FBN2: variants seen among roughly 807,000 people sequenced by gnomAD.
FBN2 encodes the protein fibrillin-2.
In FBN2, 105 loss-of-function variants were observed where a neutral mutation model predicts 355.6. That is an observed-to-expected ratio of 0.30 (90% CI 0.25 to 0.35). The LOEUF (loss-of-function observed/expected upper bound fraction) is 0.35. FBN2 is among the 10% of genes least tolerant of loss of function. The probability of loss-of-function intolerance (pLI) is 1.00; values close to 1 mark genes in which losing one functional copy is unlikely to be tolerated. For synonymous variants in FBN2, 1,350 were observed against 1,301.2 expected, an observed-to-expected ratio of 1.04 and a Z score of -0.81; for missense variants, 3,280 against 3,758.7, an observed-to-expected ratio of 0.87 and a Z score of 3.33.
Position 128,277,926 on chromosome 5 carries a change from G to T in FBN2, c.7425C>A (p.Phe2475Leu), listed in dbSNP as rs1315241739. 6.2e-7 allele frequency: 1 copy of T among 1,614,120 alleles called. No individual in the cohort carries two copies. The highest frequency in any genetic ancestry group is 1.3e-5 in the African/African-American group (1 of 75,046). ...CINTMGSFRC[F>L]CKVGYTTDIS... ...TGTCTGTGGTGTAGCCAACCTTGCA[G>T]AAGCATCGGAATGAGCCCATGGTAT... Residue 2475 changes from phenylalanine to leucine, a missense_variant, in exon 58 of 65, where the codon TTC (phenylalanine) becomes TTA (leucine). Phe to Leu is a conservative substitution (Grantham distance 22, BLOSUM62 0). This residue lies in a region of FBN2 where 2,284 missense variants were observed against 2,749.5 expected (regional missense o/e 0.83). Coordinates refer to ENST00000262464, the MANE Select transcript of FBN2 (RefSeq NM_001999.4).
intron 33 of FBN2, 150 bp downstream of exon 33, chr5:128,330,423 A>G (rs1168437131): frequency 1.2e-5 from 9 of 765,934 alleles, no homozygotes; most frequent in Non-Finnish European, 1.7e-5. Flanking sequence ...TGTTTAATGT[A>G]AGAGAAAGAT....
At chr5:128,516,739 C>T (rs1246838556) in intron 5 of FBN2, among the ~76,000 whole-genome samples, 3 of 151,982 alleles carry the variant, frequency 2.0e-5, no homozygotes, top group African/African-American at 4.8e-5. Flanking sequence ...AAACATTAAA[C>T]GCTAACAGGG....
At chr5:128,362,065 T>A (rs1304162294) in intron 18 of FBN2, among the ~76,000 whole-genome samples, 1 of 152,202 alleles carries the variant, frequency 6.6e-6, no homozygotes, top group Non-Finnish European at 1.5e-5. Flanking sequence ...TGCTTTTAAA[T>A]CCCTGGAAAG....
In FBN2 at chr5:128,393,340, T is replaced by G. The variant is rs766241911; in HGVS notation, c.1260A>C (p.Gly420=). 13 of 1,614,040 alleles carry G rather than the reference T, an allele frequency of 8.1e-6. No individual in the cohort carries two copies. Among genetic ancestry groups the G allele is most frequent in the Non-Finnish European group, 1.0e-5 (12 of 1,180,028 alleles). The change falls in exon 10 of 65, where the codon GGA becomes GGC. Residue 420 remains glycine, a synonymous_variant. Transcript: ENST00000262464. ...SEEYRRLCMD[G]LPMGGIPGSA... is the part of the protein sequence containing the mutation. The stretch of plus-strand genomic sequence containing the variant: ...TCCCTGGAATTCCTCCCATTGGAAG[T>G]CCATCCATGCAAAGTCTGCGATATT...
At chr5:128,369,020 A>G (rs1751858920) in intron 16 of FBN2, among the ~76,000 whole-genome samples, 162 bp downstream of exon 16, 1 of 152,070 alleles carries the variant, frequency 6.6e-6, no homozygotes, top group Admixed American at 6.6e-5. Flanking sequence ...CACAAGCCAA[A>G]TCTCCTTATT....
In FBN2 at chr5:128,480,004, A is replaced by G. The variant is rs868603446; in HGVS notation, c.629-15083T>C. Among the ~76,000 whole-genome samples, 164 of 79,864 alleles carry G rather than the reference A, an allele frequency of 2.1e-3. 2 individuals are homozygous for G. The highest frequency in any genetic ancestry group is 4.5e-3 in the South Asian group (12 of 2,668). The allele number at this position is 79,864 out of a possible 152,430, so 52.4% of individuals were successfully genotyped here. A position where few individuals can be genotyped will look rare whatever the true frequency, so the allele number is the denominator to read the frequency against. On this transcript the variant is annotated intron_variant, in intron 5 of 64. Coordinates refer to ENST00000262464, the MANE Select transcript of FBN2 (RefSeq NM_001999.4). ...TATATATATATATATATATATATAT[A>G]TATATATATATATATATATGTATAT...
intron 24 of FBN2, among the ~76,000 whole-genome samples, chr5:128,344,980 C>G (rs997986737): frequency 6.6e-6 from 1 of 152,180 alleles, no homozygotes; most frequent in Non-Finnish European, 1.5e-5. Flanking sequence ...GGATTATAGG[C>G]GTGAGCCACC....
At chr5:128,334,027 T>G (rs1195107188) in intron 31 of FBN2, among the ~76,000 whole-genome samples, 1 of 151,946 alleles carries the variant, frequency 6.6e-6, no homozygotes, top group African/African-American at 2.4e-5. Context: ...ACATAAGTCT[T>G]AAATTGTGCA....
At position 128,312,737 on chromosome 5, in the gene FBN2, A is replaced by C. The variant is rs1238523514; in HGVS notation, c.4776T>G (p.Ser1592=). ...CGCCCACCCCGATCTCGGTGTTGCA[A>C]GACAGACTCCCATCTCCTCGAGGTC... ...KFGPRGDGSL[S]CNTEIGVGVS... The change falls in exon 37 of 65, where the codon TCT becomes TCG. Residue 1592 remains serine (S), a synonymous_variant. Transcript: ENST00000262464. The C allele has an allele frequency of 6.2e-7, 1 of 1,613,700 alleles. No homozygotes were observed. Among genetic ancestry groups the C allele is most frequent in the Non-Finnish European group, 8.5e-7 (1 of 1,179,916 alleles).
chr5:128,263,697 GCAAGAGCA>G (rs1561736477), intron 62 of FBN2, 41 bp from the exon 63 acceptor site: 1 of 1,501,910 alleles, frequency 6.7e-7, no homozygotes, highest in Non-Finnish European at 9.2e-7. Context: ...GGGGAAGCAG[GCAAGAGCA>G]AAAACGTGAA....
At chr5:128,389,609 C>T (rs1001519642) in intron 11 of FBN2, among the ~76,000 whole-genome samples, 20 of 152,314 alleles carry the variant, frequency 1.3e-4, no homozygotes, top group Admixed American at 5.9e-4. Flanking sequence ...GTATGGGCAT[C>T]GTAGCCACTC....
intron 20 of FBN2, among the ~76,000 whole-genome samples, chr5:128,353,515 T>C (rs370795414): frequency 6.6e-6 from 1 of 152,204 alleles, no homozygotes; most frequent in African/African-American, 2.4e-5. Flanking sequence ...TAGATTTACA[T>C]CTGTAAATTC....
Position 128,516,054 on chromosome 5 carries a change from C to G in FBN2, c.628+3219G>C, listed in dbSNP as rs148760064. On this transcript the variant is annotated intron_variant, in intron 5 of 64. Transcript: ENST00000262464. ...AGTTGAAAGAAGGACTCTAGACAGG[C>G]CACATTTGCGATCAAGTAATCACCT... Among the ~76,000 whole-genome samples, 442 of 152,268 alleles carry G rather than the reference C, an allele frequency of 2.9e-3. 2 individuals carry two copies. The highest frequency in any genetic ancestry group is 0.01 in the African/African-American group (425 of 41,542).
chr5:128,396,685 C>G (rs967189087), intron 8 of FBN2, among the ~76,000 whole-genome samples: 4 of 152,212 alleles, frequency 2.6e-5, no homozygotes, highest in African/African-American at 9.6e-5. Context: ...GATAAATTAT[C>G]AATATCATCT....
At chr5:128,373,735 G>A (rs2126953482) in intron 15 of FBN2, among the ~76,000 whole-genome samples, 1 of 152,258 alleles carries the variant, frequency 6.6e-6, no homozygotes, top group East Asian at 1.9e-4. Context: ...TATTGCTGGG[G>A]TTCCCAAACG....
At chr5:128,432,290 T>C (rs1302598818) in intron 7 of FBN2, among the ~76,000 whole-genome samples, 2 of 152,208 alleles carry the variant, frequency 1.3e-5, no homozygotes, top group Non-Finnish European at 2.9e-5. Context: ...AACCTATTTG[T>C]CCGTGGGCCA....
At position 128,312,981 on chromosome 5, in the gene FBN2, A is replaced by G. The variant is rs369368563; in HGVS notation, c.4718-186T>C. 9.2e-5 allele frequency among the ~76,000 whole-genome samples: 14 copies of G among 152,320 alleles called. 1 individual carries two copies. Among genetic ancestry groups the G allele is most frequent in the South Asian group, 4.1e-4 (2 of 4,828 alleles). On this transcript the variant is annotated intron_variant, in intron 36 of 64. Transcript: ENST00000262464. Reference sequence around the variant, plus strand: ...TTCGAGATTGAGTCAGAGGAAGCCAATCATGGCAGACTTTCCTATATTTAG... The same window carrying G: ...TTCGAGATTGAGTCAGAGGAAGCCAGTCATGGCAGACTTTCCTATATTTAG...
chr5:128,333,470 CT>C (rs1750746904), intron 31 of FBN2, among the ~76,000 whole-genome samples: 5 of 151,812 alleles, frequency 3.3e-5, no homozygotes, highest in Non-Finnish European at 5.9e-5. Context: ...AAGAATCTAA[CT>C]TTTTAAAAAA....
rs367700204 is a variant in FBN2, at chr5:128,276,178, G to A, written c.7472-18C>T. 2.5e-6 allele frequency: 4 copies of A among 1,612,216 alleles called. No individual in the cohort carries two copies. Among genetic ancestry groups the A allele is most frequent in the Non-Finnish European group, 3.4e-6 (4 of 1,178,560 alleles). On this transcript the variant is annotated intron_variant, in intron 58 of 64. Transcript: ENST00000262464. ...ATCAAGGTCTAAGTAAAAGTGATGT[G>A]AAGATTAAATTACTGGTTAAAAGAA...
Sources: allele counts gnomAD v4.1 joint callset (sites outside exome capture counted in the v4.1 genomes callset), GRCh38; gene constraint gnomAD v4.1.1; regional missense constraint gnomAD v4.1.1; transcripts MANE v1.5; gene names NCBI Gene and HGNC (gene_info 2026-07-23, HGNC 2026-07-21).